The following RCL1 variants were observed in gnomAD, a reference collection of about 807,000 sequenced individuals.
The protein encoded by RCL1 is RNA terminal phosphate cyclase like 1, also known as RNA 3'-terminal phosphate cyclase-like protein.
Under a neutral mutation model 42.4 loss-of-function variants are expected in RCL1, and 24 were observed. The observed-to-expected ratio is 0.57, with a 90% confidence interval of 0.41 to 0.80. The LOEUF is 0.80. RCL1 is among the 30% of genes least tolerant of loss of function. The probability of loss-of-function intolerance (pLI) is 0.00; values close to 1 mark genes in which losing one functional copy is unlikely to be tolerated. For synonymous variants in RCL1, 228 were observed against 177.3 expected, an observed-to-expected ratio of 1.29 and a Z score of -2.27; for missense variants, 578 against 467.9, an observed-to-expected ratio of 1.24 and a Z score of -2.17.
chr9:4,844,539 G>A lies in RCL1; in HGVS notation c.725G>A (p.Gly242Glu), dbSNP rs1343684368. ...TGTATCTCCAGGTCTCCGGGCTTTG[G>A]GTTGTCACTGGTTGCTGAGACCACC... ...GVNSGKSPGF[G>E]LSLVAETTSG... The change falls in exon 7 of 9, where the codon GGG (glycine) becomes GAG (glutamate). Residue 242 changes from glycine to glutamate, a missense_variant. Gly to Glu is a moderately conservative substitution (Grantham distance 98). Coordinates refer to ENST00000381750, the MANE Select transcript of RCL1 (RefSeq NM_005772.5). 1 of 1,612,178 alleles carries A rather than the reference G, an allele frequency of 6.2e-7. No homozygotes were observed. Among genetic ancestry groups the A allele is most frequent in the Admixed American group, 1.7e-5 (1 of 59,800 alleles).
At chr9:4,840,794 C>T (rs914460641) in intron 5 of RCL1, among the ~76,000 whole-genome samples, 3 of 152,118 alleles carry the variant, frequency 2.0e-5, no homozygotes, top group African/African-American at 7.2e-5. Flanking sequence ...GGTGTCTGTT[C>T]TGGGCTTAGG....
At chr9:4,834,471 C>CTTTTTTTTTT (rs5896097) in intron 5 of RCL1, among the ~76,000 whole-genome samples, 1 of 128,432 alleles carries the variant, frequency 7.8e-6, no homozygotes, top group Non-Finnish European at 1.6e-5. Context: ...TTGAGTCATT[C>CTTTTTTTTTT]TTTTTTTTTT....
chr9:4,823,627 C>T lies in RCL1; in HGVS notation c.208+8C>T. 1 of 1,599,940 alleles carries T rather than the reference C, an allele frequency of 6.3e-7. No individual in the cohort carries two copies. Among genetic ancestry groups the T allele is most frequent in the East Asian group, 2.3e-5 (1 of 44,234 alleles). The stretch of plus-strand genomic sequence containing the variant: ...TTGAAATAAACCAAACAGGTAAGCT[C>T]CTTTTAGATTCCTAAAAGCACCTCC... On this transcript the variant is annotated splice_region_variant and intron_variant, in intron 2 of 8. Transcript: ENST00000381750.
intron 1 of RCL1, among the ~76,000 whole-genome samples, chr9:4,815,795 T>G (rs1282774785): frequency 6.6e-6 from 1 of 152,152 alleles, no homozygotes. Flanking sequence ...CCAGGCAGCT[T>G]AGGCCTATGA....
chr9:4,845,711 A>G (rs189038335), intron 7 of RCL1, among the ~76,000 whole-genome samples: 1 of 152,302 alleles, frequency 6.6e-6, no homozygotes, highest in Non-Finnish European at 1.5e-5. Flanking sequence ...GCTCTGAAGG[A>G]TGGTCGTTTC....
chr9:4,846,704 GT>G (rs1363388040), intron 7 of RCL1, among the ~76,000 whole-genome samples: 2 of 152,096 alleles, frequency 1.3e-5, no homozygotes, highest in Non-Finnish European at 2.9e-5. Context: ...ACACTTCCAT[GT>G]CTTTCTAATA....
intron 2 of RCL1, among the ~76,000 whole-genome samples, chr9:4,824,464 T>C (rs1003349402): frequency 6.7e-6 from 1 of 150,290 alleles, no homozygotes; most frequent in African/African-American, 2.4e-5. Flanking sequence ...TTTCTGTGGG[T>C]TGTAGTATAG....
Position 4,823,602 on chromosome 9 carries a change from T to C in RCL1, c.191T>C (p.Ile64Thr). The change falls in exon 2 of 9, where the codon ATT becomes ACT. Residue 64 changes from isoleucine (I) to threonine (T), a missense_variant. Physicochemically the swap from Ile to Thr is moderately conservative, Grantham distance 89. Coordinates refer to ENST00000381750, the MANE Select transcript of RCL1 (RefSeq NM_005772.5). ...GACAAAATAACGAATGGTTCTCGAA[T>C]TGAAATAAACCAAACAGGTAAGCTC... ...LLDKITNGSR[I>T]EINQTGTTLY... The C allele has an allele frequency of 6.2e-7, 1 of 1,611,812 alleles. No individual in the cohort carries two copies. Among genetic ancestry groups the C allele is most frequent in the Non-Finnish European group, 8.5e-7 (1 of 1,178,976 alleles).
chr9:4,807,551 C>G (rs1288381448), intron 1 of RCL1, among the ~76,000 whole-genome samples: 1 of 152,126 alleles, frequency 6.6e-6, no homozygotes, highest in African/African-American at 2.4e-5. Flanking sequence ...CAGAGTTTCA[C>G]TCTTGTTGTC....
intron 1 of RCL1, among the ~76,000 whole-genome samples, chr9:4,811,260 G>A (rs188467120): frequency 2.1e-5 from 3 of 146,240 alleles, no homozygotes; most frequent in East Asian, 2.0e-4. Context: ...GGGCAATAGA[G>A]CAAAACCCTG....
chr9:4,840,398 C>G (rs1171928315), intron 5 of RCL1, among the ~76,000 whole-genome samples: 2 of 152,124 alleles, frequency 1.3e-5, no homozygotes, highest in African/African-American at 4.8e-5. Context: ...TTGAAGTGCT[C>G]AATACATACT....
chr9:4,845,126 T>C (rs957570940), intron 7 of RCL1, among the ~76,000 whole-genome samples: 1 of 152,192 alleles, frequency 6.6e-6, no homozygotes, highest in East Asian at 1.9e-4. Context: ...TTGATTCATA[T>C]ATAAAACAAT....
intron 1 of RCL1, among the ~76,000 whole-genome samples, chr9:4,815,145 A>T (rs1385653145): frequency 1.3e-5 from 2 of 152,118 alleles, no homozygotes; most frequent in Non-Finnish European, 2.9e-5. Context: ...CTAGATCTGT[A>T]TGTTCATACC....
chr9:4,841,520 G>C (rs148133899), intron 6 of RCL1, among the ~76,000 whole-genome samples, 163 bp downstream of exon 6: 3 of 152,196 alleles, frequency 2.0e-5, no homozygotes, highest in African/African-American at 7.2e-5. Context: ...GGCATTTCTT[G>C]AGTGCCTGTC....
chr9:4,799,940 A>G (rs1025855550), intron 1 of RCL1, among the ~76,000 whole-genome samples: 2 of 152,188 alleles, frequency 1.3e-5, no homozygotes, highest in Non-Finnish European at 2.9e-5. Flanking sequence ...GCAGACGTTC[A>G]TATGGGTTGT....
chr9:4,851,341 G>A (rs1817741120), intron 8 of RCL1, among the ~76,000 whole-genome samples: 2 of 152,292 alleles, frequency 1.3e-5, no homozygotes, highest in South Asian at 4.1e-4. Context: ...TTGTGCAGAC[G>A]GGTCTGCCAG....
intron 1 of RCL1, among the ~76,000 whole-genome samples, chr9:4,798,055 C>A (rs949831922): frequency 6.6e-6 from 1 of 151,980 alleles, no homozygotes; most frequent in Non-Finnish European, 1.5e-5. Flanking sequence ...AAAGCCAACC[C>A]GTAGTTAGGT....
At chr9:4,851,885 C>CTTTTTTTTTTTT (rs1214271046) in intron 8 of RCL1, among the ~76,000 whole-genome samples, 4 of 124,458 alleles carry the variant, frequency 3.2e-5, no homozygotes, top group East Asian at 2.4e-4. Context: ...GTGTGAAACT[C>CTTTTTTTTTTTT]TTTTTTTTTT....
At chr9:4,802,554 A>T (rs533572051) in intron 1 of RCL1, among the ~76,000 whole-genome samples, 2 of 152,318 alleles carry the variant, frequency 1.3e-5, no homozygotes, top group South Asian at 2.1e-4. Context: ...TTTAAAACAT[A>T]ATTCTCATCC....
Sources: allele counts gnomAD v4.1 joint callset (sites outside exome capture counted in the v4.1 genomes callset), GRCh38; gene constraint gnomAD v4.1.1; transcripts MANE v1.5; gene names NCBI Gene and HGNC (gene_info 2026-07-23, HGNC 2026-07-21).